Variants in PRKD1 observed in about 807,000 individuals in gnomAD.
PRKD1 encodes serine/threonine-protein kinase D1.
PRKD1 carries 63 observed loss-of-function variants against 95.9 expected under a neutral mutation model. The observed-to-expected ratio is 0.66, with a 90% confidence interval of 0.54 to 0.81. PRKD1 has a LOEUF of 0.81. Among genes scored for constraint, PRKD1 ranks in the 30% least tolerant of loss-of-function variants. The pLI is 0.00. For synonymous variants in PRKD1, 425 were observed against 423.1 expected (o/e 1.00, Z -0.05); for missense variants, 1,048 against 1,165.3 (o/e 0.90, Z 1.47).
intron 1 of PRKD1, among the ~76,000 whole-genome samples, chr14:29,918,313 A>G (rs1312317257): frequency 2.0e-5 from 3 of 152,170 alleles, no homozygotes; most frequent in East Asian, 1.9e-4. Flanking sequence ...AGGGAACTCA[A>G]CGTGAGACAG....
intron 13 of PRKD1, 55 bp from the exon 14 acceptor site, chr14:29,599,872 C>T: frequency 6.6e-7 from 1 of 1,508,306 alleles, no homozygotes; most frequent in Middle Eastern, 1.7e-4. Context: ...TACTGTTTGG[C>T]AAGCTCGCTG....
chr14:29,927,615 C>G lies in PRKD1; in HGVS notation c.-103G>C, dbSNP rs1256392187. 1.1e-6 allele frequency: 1 copy of G among 944,982 alleles called. No individual in the cohort carries two copies. Among genetic ancestry groups the G allele is most frequent in the Non-Finnish European group, 1.3e-6 (1 of 771,500 alleles). The allele number at this position is 944,982 out of a possible 1,614,324, so 58.5% of individuals were successfully genotyped here. A position where few individuals can be genotyped will look rare whatever the true frequency, so the allele number is the denominator to read the frequency against. ...AGCCAGGAGCTTCTTTCTCCGAGAG[C>G]CCAGACGGAAAATAAAAACTTTCCG... On this transcript the variant is annotated 5_prime_UTR_variant, in exon 1 of 18. Coordinates refer to ENST00000331968, the MANE Select transcript of PRKD1 (RefSeq NM_002742.3).
chr14:29,882,858 AC>A lies in PRKD1; in HGVS notation c.264+44390del, dbSNP rs1199185487. Among the ~76,000 whole-genome samples the A allele has an allele frequency of 1.1e-3, 146 of 128,786 alleles. 3 individuals are homozygous for A. Among genetic ancestry groups the A allele is most frequent in the African/African-American group, 4.3e-3 (141 of 32,422 alleles). The allele number at this position is 128,786 out of a possible 152,430, so 84.5% of individuals were successfully genotyped here. A position where few individuals can be genotyped will look rare whatever the true frequency, so the allele number is the denominator to read the frequency against. ...CTTTTTTAAGGTTGAACAATATTCC[AC>A]TGTGTGTGTGTGTGTGCACGTGTAT... On this transcript the variant is annotated intron_variant, in intron 1 of 17. Coordinates refer to ENST00000331968, the MANE Select transcript of PRKD1 (RefSeq NM_002742.3).
intron 1 of PRKD1, among the ~76,000 whole-genome samples, chr14:29,770,305 G>A (rs988941636): frequency 1.4e-4 from 21 of 152,198 alleles, no homozygotes; most frequent in African/African-American, 3.1e-4. Context: ...TGGAAGAACC[G>A]CTAGAAATGG....
chr14:29,927,212 G>C, intron 1 of PRKD1, 37 bp downstream of exon 1: 1 of 1,461,436 alleles, frequency 6.8e-7, no homozygotes, highest in Non-Finnish European at 9.0e-7. Flanking sequence ...CCTGCGCCGC[G>C]GGGAGGCGCC....
intron 1 of PRKD1, among the ~76,000 whole-genome samples, chr14:29,787,795 A>G (rs1205528522): frequency 6.6e-6 from 1 of 152,164 alleles, no homozygotes; most frequent in Non-Finnish European, 1.5e-5. Context: ...TCATTCAGCC[A>G]GTCTGTATCT....
In PRKD1 at chr14:29,630,809, G is replaced by A; in HGVS notation, c.1605C>T (p.Ala535=). Reference sequence around the variant, plus strand: ...TGACGGGCATAAGGGCATGCTGGATGGCTATCTCCCACATCCTGGCCACAT... The same window carrying A: ...TGACGGGCATAAGGGCATGCTGGATAGCTATCTCCCACATCCTGGCCACAT... ...GADVARMWEI[A]IQHALMPVIP... is the part of the protein sequence containing the mutation. The change falls in exon 10 of 18, where the codon GCC becomes GCT. Residue 535 remains alanine (A), a synonymous_variant. Transcript: ENST00000331968. 6.2e-7 allele frequency: 1 copy of A among 1,614,072 alleles called. No individual in the cohort carries two copies. The highest frequency in any genetic ancestry group is 8.5e-7 in the Non-Finnish European group (1 of 1,179,982).
At chr14:29,787,582 GCTTT>G (rs552392879) in intron 1 of PRKD1, among the ~76,000 whole-genome samples, 77 of 151,936 alleles carry the variant, frequency 5.1e-4, no homozygotes, top group South Asian at 2.1e-4. Flanking sequence ...TTATATAATG[GCTTT>G]CTTTATCTCT....
intron 2 of PRKD1, among the ~76,000 whole-genome samples, chr14:29,695,885 A>C (rs953628946): frequency 6.6e-6 from 1 of 152,214 alleles, no homozygotes; most frequent in Non-Finnish European, 1.5e-5. Flanking sequence ...TAAAATGGAA[A>C]TATCTGGAAT....
intron 1 of PRKD1, among the ~76,000 whole-genome samples, chr14:29,764,175 G>A (rs993974482): frequency 2.0e-5 from 3 of 152,038 alleles, no homozygotes; most frequent in African/African-American, 7.2e-5. Context: ...TTACTTTGGG[G>A]AGAATTTTGG....
chr14:29,668,016 C>A (rs1224797762), intron 2 of PRKD1, among the ~76,000 whole-genome samples: 1 of 150,866 alleles, frequency 6.6e-6, no homozygotes, highest in African/African-American at 2.4e-5. Context: ...TGCCATATTT[C>A]TAAAGTTCAA....
At chr14:29,834,404 T>C (rs1250609222) in intron 1 of PRKD1, among the ~76,000 whole-genome samples, 1 of 152,146 alleles carries the variant, frequency 6.6e-6, no homozygotes, top group African/African-American at 2.4e-5. Context: ...TTCTCTTTAG[T>C]TTGTTTTATA....
Position 29,656,287 on chromosome 14 carries a change from A to T in PRKD1, c.696+7412T>A, listed in dbSNP as rs935947018. On this transcript the variant is annotated intron_variant, in intron 4 of 17. Coordinates refer to ENST00000331968, the MANE Select transcript of PRKD1 (RefSeq NM_002742.3). The stretch of plus-strand genomic sequence containing the variant: ...GGCTTATTGGGACTGTGAAAAGTTA[A>T]ACATAACAGGACAAAAGCAAGGAAA... Among the ~76,000 whole-genome samples, 4 of 152,222 alleles carry T rather than the reference A, an allele frequency of 2.6e-5. No individual in the cohort carries two copies. In the East Asian group the frequency reaches 7.7e-4, roughly 29 times the overall value.
chr14:29,615,467 T>C (rs1878789831), intron 13 of PRKD1, among the ~76,000 whole-genome samples: 1 of 152,234 alleles, frequency 6.6e-6, no homozygotes, highest in African/African-American at 2.4e-5. Context: ...TTAAAACCTG[T>C]TTATGTTGCT....
intron 2 of PRKD1, among the ~76,000 whole-genome samples, chr14:29,709,315 T>C (rs1885232844): frequency 6.6e-6 from 1 of 152,166 alleles, no homozygotes; most frequent in African/African-American, 2.4e-5. Context: ...ACCTACTTAA[T>C]CATACCAGAA....
At chr14:29,676,832 G>A (rs1452701448) in intron 2 of PRKD1, among the ~76,000 whole-genome samples, 1 of 152,178 alleles carries the variant, frequency 6.6e-6, no homozygotes, top group Non-Finnish European at 1.5e-5. Context: ...AGTAAATAAA[G>A]CCATGTGAAT....
intron 1 of PRKD1, among the ~76,000 whole-genome samples, chr14:29,909,333 G>A (rs1284342920): frequency 2.0e-5 from 1 of 50,530 alleles, no homozygotes; most frequent in Non-Finnish European, 3.7e-5. Context: ...AGCCTCCCCA[G>A]TGAGTGCCAT....
chr14:29,742,194 T>C (rs1341831387), intron 1 of PRKD1, among the ~76,000 whole-genome samples: 2 of 152,226 alleles, frequency 1.3e-5, no homozygotes, highest in Non-Finnish European at 2.9e-5. Context: ...TGTAAAATGC[T>C]GTACGGCTTC....
chr14:29,794,778 T>C (rs1889736157), intron 1 of PRKD1, among the ~76,000 whole-genome samples: 1 of 152,084 alleles, frequency 6.6e-6, no homozygotes, highest in South Asian at 2.1e-4. Flanking sequence ...TTTTGAATTG[T>C]TTTCTTGAGG....
Sources: gnomAD v4.1 joint callset for allele counts (sites outside exome capture counted in the v4.1 genomes callset) on GRCh38, gnomAD v4.1.1 for gene constraint, MANE v1.5 for transcripts, NCBI Gene and HGNC (gene_info 2026-07-23, HGNC 2026-07-21) for gene names.